CFHR3: variants seen among roughly 807,000 people sequenced by gnomAD.
CFHR3 encodes complement factor H-related protein 3.
Under a neutral mutation model 36.0 loss-of-function variants are expected in CFHR3, and 22 were observed. The observed-to-expected ratio is 0.61, with a 90% confidence interval of 0.44 to 0.87. CFHR3 has a LOEUF of 0.87. Among genes scored for constraint, CFHR3 ranks in the 40% least tolerant of loss-of-function variants. The pLI is 0.00. For synonymous variants in CFHR3, 97 were observed against 137.4 expected (o/e 0.71, Z 2.06); for missense variants, 276 against 401.3 (o/e 0.69, Z 2.67).
In CFHR3 at chr1:196,779,315, A is replaced by T. The variant is rs1293679159; in HGVS notation, c.212A>T (p.His71Leu). The change falls in exon 2 of 6, where the codon CAT becomes CTT. Residue 71 changes from histidine to leucine, a missense_variant. His to Leu is a moderately conservative substitution (Grantham distance 99, BLOSUM62 -3). This residue lies in a region of CFHR3 where 178 missense variants were observed against 247.2 expected (regional missense o/e 0.72). Coordinates refer to ENST00000367425, the MANE Select transcript of CFHR3 (RefSeq NM_021023.6). ...TCAGGAAGTTACTGGGATTACATTC[A>T]TTGCACACAAAATGGGTGGTCACCA... The part of the protein sequence containing the change: ...TPSGSYWDYI[H>L]CTQNGWSPAV... The T allele has an allele frequency of 2.0e-6, 3 of 1,529,126 alleles. No homozygotes were observed. The East Asian group carries it at 6.7e-5, about 34-fold the overall frequency. 94.7% of individuals were successfully genotyped at this position (1,529,126 alleles called of 1,614,324 possible).
intron 5 of CFHR3, among the ~76,000 whole-genome samples, chr1:196,791,920 G>A (rs1262786801): frequency 7.4e-6 from 1 of 135,906 alleles, no homozygotes; most frequent in East Asian, 2.0e-4. Context: ...ATTATCTGAA[G>A]ATATAAGATC....
chr1:196,789,816 C>A, intron 4 of CFHR3: 1 of 1,179,142 alleles, frequency 8.5e-7, no homozygotes, highest in South Asian at 2.3e-5. Flanking sequence ...AAATAGACAC[C>A]TACATATGTA....
intron 3 of CFHR3, among the ~76,000 whole-genome samples, chr1:196,783,098 A>G (rs1479240339): frequency 7.3e-6 from 1 of 136,780 alleles, no homozygotes; most frequent in Non-Finnish European, 1.5e-5. Context: ...TATATGCTGG[A>G]TTACATTTAT....
chr1:196,792,638 G>A (rs1654460415), intron 5 of CFHR3, among the ~76,000 whole-genome samples: 3 of 135,522 alleles, frequency 2.2e-5, no homozygotes, highest in South Asian at 5.1e-4. Context: ...GTGAGACAGA[G>A]TAATTTGTCC....
intron 3 of CFHR3, among the ~76,000 whole-genome samples, chr1:196,780,615 T>C (rs445207): frequency 0.28 from 38,147 of 135,056 alleles, 10,839 homozygotes; most frequent in East Asian, 0.51. Flanking sequence ...GAGTTTTGGT[T>C]GTTATTAGTT....
At chr1:196,780,008 TG>T (rs775175891) in intron 3 of CFHR3, 35 bp downstream of exon 3, 2 of 1,530,412 alleles carry the variant, frequency 1.3e-6, no homozygotes, top group South Asian at 2.5e-5. Context: ...AGCATGTTCA[TG>T]TCTTTCTAAG....
chr1:196,792,870 G>T (rs1654466599), intron 5 of CFHR3, among the ~76,000 whole-genome samples: 1 of 136,794 alleles, frequency 7.3e-6, no homozygotes, highest in African/African-American at 3.0e-5. Context: ...TCTACATTGT[G>T]GGCATAAGAG....
At position 196,788,367 on chromosome 1, in the gene CFHR3, A is replaced by G. The variant is rs375050298; in HGVS notation, c.582A>G (p.Gln194=). 44 of 1,530,268 alleles carry G rather than the reference A, an allele frequency of 2.9e-5. 7 individuals carry two copies. The highest frequency in any genetic ancestry group is 3.8e-5 in the Non-Finnish European group (43 of 1,132,128). 94.8% of individuals were successfully genotyped at this position (1,530,268 alleles called of 1,614,324 possible). A position where few individuals can be genotyped will look rare whatever the true frequency, so the allele number is the denominator to read the frequency against. The change falls in exon 4 of 6, where the codon CAA becomes CAG. Residue 194 remains glutamine (Q), a synonymous_variant. Coordinates refer to ENST00000367425, the MANE Select transcript of CFHR3 (RefSeq NM_021023.6). ...CTTCAGGATCAATTACATGTTTGCAAAATGGATGGTCAGCACAACCAATTT... is the reference window on the plus strand; with the variant it reads ...CTTCAGGATCAATTACATGTTTGCAGAATGGATGGTCAGCACAACCAATTT... ...GNSSGSITCL[Q]NGWSAQPICI...
Position 196,793,592 on chromosome 1 carries a change from A to G in CFHR3, c.*79A>G, listed in dbSNP as rs1654499450. On this transcript the variant is annotated 3_prime_UTR_variant, in exon 6 of 6. Transcript: ENST00000367425. ...TCTTATGGTCTCAAAGCTTGCAAAGATAGCTTCTGATATTGTTGTAATTTC... is the reference window on the plus strand; with the variant it reads ...TCTTATGGTCTCAAAGCTTGCAAAGGTAGCTTCTGATATTGTTGTAATTTC... The G allele has an allele frequency of 3.2e-6, 4 of 1,263,182 alleles. 1 individual carries two copies. Among genetic ancestry groups the G allele is most frequent in the African/African-American group, 3.8e-5 (2 of 53,198 alleles). The allele number at this position is 1,263,182 out of a possible 1,614,324, so 78.2% of individuals were successfully genotyped here.
In CFHR3 at chr1:196,784,723, A is replaced by T. The variant is rs1274139336; in HGVS notation, c.431-3493A>T. Among the ~76,000 whole-genome samples, 11 of 135,322 alleles carry T rather than the reference A, an allele frequency of 8.1e-5. 4 individuals are homozygous for T. The highest frequency in any genetic ancestry group is 3.1e-4 in the African/African-American group (10 of 31,934). The allele number at this position is 135,322 out of a possible 152,430, so 88.8% of individuals were successfully genotyped here. A position where few individuals can be genotyped will look rare whatever the true frequency, so the allele number is the denominator to read the frequency against. On this transcript the variant is annotated intron_variant, in intron 3 of 5. Coordinates refer to ENST00000367425, the MANE Select transcript of CFHR3 (RefSeq NM_021023.6). ...TCTGCACATGAGATGGGTTTCCTGA[A>T]TACAGCACACTGATGGGTCTTGACT...
intron 5 of CFHR3, among the ~76,000 whole-genome samples, chr1:196,790,520 T>G (rs1009336509): frequency 7.4e-6 from 1 of 134,474 alleles, no homozygotes; most frequent in African/African-American, 3.2e-5. Context: ...AGGTCAGGAG[T>G]TCGAGATCAG....
Position 196,792,046 on chromosome 1 carries a change from G to A in CFHR3, c.797-1271G>A, listed in dbSNP as rs1317764040. Among the ~76,000 whole-genome samples, 4 of 131,970 alleles carry A rather than the reference G, an allele frequency of 3.0e-5. 1 individual carries two copies. Among genetic ancestry groups the A allele is most frequent in the Admixed American group, 2.9e-4 (4 of 13,652 alleles). The allele number at this position is 131,970 out of a possible 152,430, so 86.6% of individuals were successfully genotyped here. On this transcript the variant is annotated intron_variant, in intron 5 of 5. Coordinates refer to ENST00000367425, the MANE Select transcript of CFHR3 (RefSeq NM_021023.6). ...ATGGAAAAGATTACATATACATATGGCATATTAAAGCAATGAGGAAAATTT... is the reference window on the plus strand; with the variant it reads ...ATGGAAAAGATTACATATACATATGACATATTAAAGCAATGAGGAAAATTT...
At chr1:196,788,938 GA>G in intron 4 of CFHR3, 1 of 1,378,474 alleles carries the variant, frequency 7.3e-7, no homozygotes, top group Non-Finnish European at 9.4e-7. Flanking sequence ...ACAAGTAAAG[GA>G]AAAGGGTAAG....
At chr1:196,784,261 GA>G (rs1255770040) in intron 3 of CFHR3, among the ~76,000 whole-genome samples, 4 of 136,538 alleles carry the variant, frequency 2.9e-5, no homozygotes, top group South Asian at 5.1e-4. Flanking sequence ...GTGTGGTGCT[GA>G]AAAAAATGTA....
chr1:196,786,387 T>A lies in CFHR3; in HGVS notation c.431-1829T>A, dbSNP rs1654201329. 1.5e-5 allele frequency among the ~76,000 whole-genome samples: 2 copies of A among 135,426 alleles called. 1 individual carries two copies. The highest frequency in any genetic ancestry group is 1.4e-4 in the Admixed American group (2 of 14,142). 88.8% of individuals were successfully genotyped at this position (135,426 alleles called of 152,430 possible). On this transcript the variant is annotated intron_variant, in intron 3 of 5. Transcript: ENST00000367425. The stretch of plus-strand genomic sequence containing the variant: ...GAGGTTACTGCTGTCTTTTTGTTTG[T>A]CTGTGCCCTGCCCCCAGAGGTGGAG...
At position 196,789,778 on chromosome 1, in the gene CFHR3, A is replaced by G. The variant is rs1373787519; in HGVS notation, c.614-267A>G. 1.8e-4 allele frequency: 240 copies of G among 1,307,190 alleles called. 38 individuals carry two copies. The highest frequency in any genetic ancestry group is 2.3e-4 in the Non-Finnish European group (231 of 1,000,416). 81.0% of individuals were successfully genotyped at this position (1,307,190 alleles called of 1,614,324 possible). On this transcript the variant is annotated intron_variant, in intron 4 of 5. Coordinates refer to ENST00000367425, the MANE Select transcript of CFHR3 (RefSeq NM_021023.6). ...GTTATAGTAAGTATTTTATTCAAGT[A>G]TTTTTTATTAGAATTAAATAAAATA...
intron 3 of CFHR3, among the ~76,000 whole-genome samples, chr1:196,787,105 C>A: frequency 7.3e-6 from 1 of 137,084 alleles, no homozygotes; most frequent in Admixed American, 7.0e-5. Context: ...TTATAGAAAC[C>A]GCATAATAAT....
In CFHR3 at chr1:196,776,819, T is replaced by C. The variant is rs1196255886; in HGVS notation, c.58+1875T>C. Among the ~76,000 whole-genome samples the C allele has an allele frequency of 1.6e-5, 2 of 122,062 alleles. 1 individual carries two copies. The highest frequency in any genetic ancestry group is 8.1e-5 in the African/African-American group (2 of 24,602). 80.1% of individuals were successfully genotyped at this position (122,062 alleles called of 152,430 possible). ...ATATTAATAATTAAAAATAACTTTTTACTTTTTACTCAAGGATATATATAT... is the reference window on the plus strand; with the variant it reads ...ATATTAATAATTAAAAATAACTTTTCACTTTTTACTCAAGGATATATATAT... On this transcript the variant is annotated intron_variant, in intron 1 of 5. Coordinates refer to ENST00000367425, the MANE Select transcript of CFHR3 (RefSeq NM_021023.6).
chr1:196,792,546 ATT>A lies in CFHR3; in HGVS notation c.797-765_797-764del, dbSNP rs1192809254. Among the ~76,000 whole-genome samples, 7 of 126,582 alleles carry A rather than the reference ATT, an allele frequency of 5.5e-5. 1 individual carries two copies. Among genetic ancestry groups the A allele is most frequent in the Non-Finnish European group, 4.8e-5 (3 of 61,934 alleles). The allele number at this position is 126,582 out of a possible 152,430, so 83.0% of individuals were successfully genotyped here. A position where few individuals can be genotyped will look rare whatever the true frequency, so the allele number is the denominator to read the frequency against. On this transcript the variant is annotated intron_variant, in intron 5 of 5. Coordinates refer to ENST00000367425, the MANE Select transcript of CFHR3 (RefSeq NM_021023.6). ...CTGGAACTTAAAAAAAAAATTATAA[ATT>A]TTTTTACAAAAGAATTTTATAAAAG...
Sources: gnomAD v4.1 joint callset for allele counts (sites outside exome capture counted in the v4.1 genomes callset) on GRCh38, gnomAD v4.1.1 for gene constraint, gnomAD v4.1.1 regional missense constraint, MANE v1.5 for transcripts, NCBI Gene and HGNC (gene_info 2026-07-23, HGNC 2026-07-21) for gene names.